The following MNT variants were observed in gnomAD, a reference collection of about 807,000 sequenced individuals.
The protein encoded by MNT is MAX network transcriptional repressor.
A neutral mutation model predicts 40.7 loss-of-function variants in MNT; 13 were observed. That is an observed-to-expected ratio of 0.32 (90% CI 0.21 to 0.51). The LOEUF is 0.51. MNT is among the 20% of genes least tolerant of loss of function. The pLI, the probability that MNT is intolerant of heterozygous loss-of-function variation, is 0.98. For synonymous variants in MNT, 426 were observed against 354.8 expected, an observed-to-expected ratio of 1.20 and a Z score of -2.26; for missense variants, 757 against 792.0, an observed-to-expected ratio of 0.96 and a Z score of 0.53.
At position 2,384,607 on chromosome 17, in the gene MNT, T is replaced by C. The variant is rs112450692; in HGVS notation, c.*2294A>G. 6 of 152,728 alleles carry C rather than the reference T, an allele frequency of 3.9e-5. No homozygotes were observed. The highest frequency in any genetic ancestry group is 1.9e-4 in the East Asian group (1 of 5,220). The allele number at this position is 152,728 out of a possible 1,614,324, so 9.5% of individuals were successfully genotyped here. ...GTGTGCGTGTGCGTGCGTGTGTGTG[T>C]GTGTGTGTGTGTGTGTGTGTCCCAG... On this transcript the variant is annotated 3_prime_UTR_variant, in exon 6 of 6. Coordinates refer to ENST00000174618, the MANE Select transcript of MNT (RefSeq NM_020310.3).
intron 2 of MNT, 119 bp from the exon 3 acceptor site, chr17:2,394,465 A>C: frequency 6.9e-7 from 1 of 1,450,506 alleles, no homozygotes; most frequent in Non-Finnish European, 9.5e-7. Context: ...GTCTTAAAGC[A>C]GACTGGGAGA....
In MNT at chr17:2,387,393, A is replaced by C; in HGVS notation, c.1257T>G (p.Pro419=). 1 of 1,611,382 alleles carries C rather than the reference A, an allele frequency of 6.2e-7. No individual in the cohort carries two copies. Among genetic ancestry groups the C allele is most frequent in the Non-Finnish European group, 8.5e-7 (1 of 1,178,860 alleles). The change falls in exon 6 of 6, where the codon CCT becomes CCG. Residue 419 remains proline (P), a synonymous_variant. Transcript: ENST00000174618. ...LPAPPPPPAA[P]AQTLVPAPAH... is the part of the protein sequence containing the mutation. Reference sequence around the variant, plus strand: ...CTGGAGCTGGCACCAGTGTCTGGGCAGGGGCAGCCGGTGGGGGAGGAGGGG... The same window carrying C: ...CTGGAGCTGGCACCAGTGTCTGGGCCGGGGCAGCCGGTGGGGGAGGAGGGG...
chr17:2,386,125 G>A lies in MNT; in HGVS notation c.*776C>T, dbSNP rs564579378. On this transcript the variant is annotated 3_prime_UTR_variant, in exon 6 of 6. Transcript: ENST00000174618. ...GCTGCAGGGGACGGGGAAGGGGAAG[G>A]ACAGCCAAGTCCCTCCTTCCCCACC... 3 of 152,322 alleles carry A rather than the reference G, an allele frequency of 2.0e-5. No homozygotes were observed. Among genetic ancestry groups the A allele is most frequent in the Non-Finnish European group, 2.9e-5 (2 of 68,120 alleles). 9.4% of individuals were successfully genotyped at this position (152,322 alleles called of 1,614,324 possible). A position where few individuals can be genotyped will look rare whatever the true frequency, so the allele number is the denominator to read the frequency against.
chr17:2,396,689 C>T (rs1317276240), intron 1 of MNT: 1 of 152,416 alleles, frequency 6.6e-6, no homozygotes, highest in Non-Finnish European at 1.5e-5. Context: ...CCAGGCGCCA[C>T]CATTCTGGTT....
rs138048168 is a variant in MNT, at chr17:2,386,042, G to GCTGGGGA, written c.*852_*858dup. The GCTGGGGA allele has an allele frequency of 6.6e-6, 1 of 152,354 alleles. No homozygotes were observed. Among genetic ancestry groups the GCTGGGGA allele is most frequent in the Admixed American group, 6.5e-5 (1 of 15,282 alleles). 9.4% of individuals were successfully genotyped at this position (152,354 alleles called of 1,614,324 possible). On this transcript the variant is annotated 3_prime_UTR_variant, in exon 6 of 6. Coordinates refer to ENST00000174618, the MANE Select transcript of MNT (RefSeq NM_020310.3). The stretch of plus-strand genomic sequence containing the variant: ...CTGGAAGCCAAGAGCCAAGCCCAGG[G>GCTGGGGA]CTGGGGACTGGGGACTGGGGACAGG...
At position 2,396,031 on chromosome 17, in the gene MNT, G is replaced by A. The variant is rs540149079; in HGVS notation, c.74-577C>T. On this transcript the variant is annotated intron_variant, in intron 1 of 5. Transcript: ENST00000174618. ...TGAAGCTCAGGGAGCAAAGTGATTCGCTGCAGGTCCCACAGCAAGCCTCCT... is the reference window on the plus strand; with the variant it reads ...TGAAGCTCAGGGAGCAAAGTGATTCACTGCAGGTCCCACAGCAAGCCTCCT... Among the ~76,000 whole-genome samples the A allele has an allele frequency of 1.5e-4, 23 of 152,310 alleles. No homozygotes were observed. The South Asian group carries it at 4.3e-3, about 29-fold the overall frequency.
intron 2 of MNT, 54 bp downstream of exon 2, chr17:2,394,821 G>T: frequency 1.5e-6 from 2 of 1,352,134 alleles, no homozygotes; most frequent in Non-Finnish European, 2.1e-6. Flanking sequence ...ACAGCCCGGG[G>T]GATGGGCACC....
chr17:2,387,705 G>C, intron 5 of MNT, 56 bp from the exon 6 acceptor site: 1 of 1,601,362 alleles, frequency 6.2e-7, no homozygotes. Flanking sequence ...CAAGTGGCTG[G>C]AGGCGTAGAT....
intron 4 of MNT, chr17:2,390,971 C>T (rs1002516922): frequency 6.6e-6 from 1 of 152,386 alleles, no homozygotes; most frequent in Non-Finnish European, 1.5e-5. Context: ...ACTCCCTTGC[C>T]CCTACACACA....
At chr17:2,399,372 C>A (rs2066598936) in intron 1 of MNT, among the ~76,000 whole-genome samples, 1 of 152,230 alleles carries the variant, frequency 6.6e-6, no homozygotes, top group South Asian at 2.1e-4. Context: ...TTTGCCCTTT[C>A]TCATCCTGGC....
rs2066552284 is a variant in MNT, at chr17:2,394,087, T to A, written c.763A>T (p.Thr255Ser). Residue 255 changes from threonine to serine, a missense_variant, in exon 4 of 6, where the codon ACG (threonine) becomes TCG (serine). Thr to Ser is a moderately conservative substitution (Grantham distance 58). Transcript: ENST00000174618. The part of the protein sequence containing the change: ...RNIPNVDDKK[T>S]SNLSVLRTAL... ...GTCCGCAGCACGCTCAGATTGGACG[T>A]CTTCTTGTCATCCACGTTGGGGATG... 1 of 1,608,702 alleles carries A rather than the reference T, an allele frequency of 6.2e-7. No individual in the cohort carries two copies. Among genetic ancestry groups the A allele is most frequent in the Non-Finnish European group, 8.5e-7 (1 of 1,177,756 alleles).
Position 2,395,260 on chromosome 17 carries a change from G to A in MNT, c.268C>T (p.Pro90Ser). The change falls in exon 2 of 6, where the codon CCT becomes TCT. Residue 90 changes from proline to serine, a missense_variant. This residue lies in a region of MNT where 335 missense variants were observed against 291.4 expected (regional missense o/e 1.15). Transcript: ENST00000174618. Reference sequence around the variant, plus strand: ...GGGGAGTTGGTCACCACAGGGATAGGGATGACAGTCAGTGGGGCAGGGGTG... The same window carrying A: ...GGGGAGTTGGTCACCACAGGGATAGAGATGACAGTCAGTGGGGCAGGGGTG... ...LATPAPLTVI[P>S]IPVVTNSPQP... The A allele has an allele frequency of 6.5e-7, 1 of 1,536,288 alleles. No homozygotes were observed. The highest frequency in any genetic ancestry group is 8.8e-7 in the Non-Finnish European group (1 of 1,133,718).
At position 2,386,966 on chromosome 17, in the gene MNT, C is replaced by A; in HGVS notation, c.1684G>T (p.Val562Leu). 6.6e-7 allele frequency: 1 copy of A among 1,521,456 alleles called. No individual in the cohort carries two copies. Among genetic ancestry groups the A allele is most frequent in the East Asian group, 2.3e-5 (1 of 42,632 alleles). 94.2% of individuals were successfully genotyped at this position (1,521,456 alleles called of 1,614,324 possible). A position where few individuals can be genotyped will look rare whatever the true frequency, so the allele number is the denominator to read the frequency against. Residue 562 changes from valine (V) to leucine (L), a missense_variant, in exon 6 of 6, where the codon GTG (valine) becomes TTG (leucine). Around this residue, in one of 4 missense-constraint regions of MNT, gnomAD observed 345 missense variants for 380.1 expected, o/e 0.91. Transcript: ENST00000174618. ...VHHPQLVGQT[V>L]LNPVTMVTMP... The stretch of plus-strand genomic sequence containing the variant: ...GTGACCATGGTCACAGGGTTGAGCA[C>A]GGTCTGGCCCACCAGCTGGGGGTGG...
chr17:2,387,783 G>A (rs2066479618), intron 5 of MNT, 74 bp downstream of exon 5: 5 of 1,547,352 alleles, frequency 3.2e-6, no homozygotes, highest in Non-Finnish European at 4.4e-6. Context: ...GCAAGAAAGA[G>A]CCTGGCCAGG....
chr17:2,395,590 C>T, intron 1 of MNT, 136 bp from the exon 2 acceptor site: 3 of 1,454,062 alleles, frequency 2.1e-6, no homozygotes, highest in Non-Finnish European at 2.7e-6. Context: ...AATAGCCTAC[C>T]AGCCCAGCCA....
chr17:2,393,311 G>A (rs1428131951), intron 4 of MNT, among the ~76,000 whole-genome samples: 1 of 152,090 alleles, frequency 6.6e-6, no homozygotes, highest in Non-Finnish European at 1.5e-5. Context: ...ACGTGGCGGC[G>A]CCCCCGGCCC....
At position 2,386,418 on chromosome 17, in the gene MNT, T is replaced by C. The variant is rs1243437751; in HGVS notation, c.*483A>G. The C allele has an allele frequency of 1.9e-5, 3 of 157,786 alleles. No individual in the cohort carries two copies. The highest frequency in any genetic ancestry group is 1.4e-5 in the Non-Finnish European group (1 of 72,140). The allele number at this position is 157,786 out of a possible 1,614,324, so 9.8% of individuals were successfully genotyped here. A position where few individuals can be genotyped will look rare whatever the true frequency, so the allele number is the denominator to read the frequency against. On this transcript the variant is annotated 3_prime_UTR_variant, in exon 6 of 6. Coordinates refer to ENST00000174618, the MANE Select transcript of MNT (RefSeq NM_020310.3). ...CTTATCACCCCAATCCGCAGCTTTC[T>C]GGGCCAAGTGGCTTCAGTTCTGCTT...
rs934623302 is a variant in MNT, at chr17:2,398,845, A to G, written c.73+1795T>C. Among the ~76,000 whole-genome samples, 13 of 152,156 alleles carry G rather than the reference A, an allele frequency of 8.5e-5. No homozygotes were observed. In the East Asian group the frequency reaches 2.5e-3, roughly 29 times the overall value. On this transcript the variant is annotated intron_variant, in intron 1 of 5. Coordinates refer to ENST00000174618, the MANE Select transcript of MNT (RefSeq NM_020310.3). ...GACCCTGCTCTGGACCATCAAGGCA[A>G]CAGCCGGGGAGTGTGGGCGATGTCC...
chr17:2,395,519 G>A, intron 1 of MNT, 65 bp from the exon 2 acceptor site: 11 of 1,596,594 alleles, frequency 6.9e-6, no homozygotes, highest in South Asian at 3.3e-5. Context: ...GCCCTAACTC[G>A]TCCTCTGACC....
Sources: allele counts gnomAD v4.1 joint callset (sites outside exome capture counted in the v4.1 genomes callset), GRCh38; gene constraint gnomAD v4.1.1; regional missense constraint gnomAD v4.1.1; transcripts MANE v1.5; gene names NCBI Gene and HGNC (gene_info 2026-07-23, HGNC 2026-07-21).